The following ZNF35 variants were observed in gnomAD, a reference collection of about 807,000 sequenced individuals.
ZNF35 encodes the protein zinc finger protein 35 (clone HF.10).
In ZNF35, 31 loss-of-function variants were observed where a neutral mutation model predicts 45.9. The ratio of observed to expected loss-of-function variants is 0.68; its 90% CI spans 0.51 to 0.91. ZNF35 has a LOEUF of 0.91. ZNF35 is among the 40% of genes least tolerant of loss of function. ZNF35 has a pLI of 0.00. For missense variants in ZNF35, 515 were observed against 625.4 expected (o/e 0.82, Z 1.88); for synonymous variants, 205 against 220.2 (o/e 0.93, Z 0.61).
intron 3 of ZNF35, among the ~76,000 whole-genome samples, chr3:44,655,879 A>G (rs1424275529): frequency 6.6e-6 from 1 of 152,232 alleles, no homozygotes; most frequent in Non-Finnish European, 1.5e-5. Flanking sequence ...TTCATGCCCA[A>G]CATTCTAAAT....
chr3:44,646,720 A>G (rs77534433), upstream of ZNF35: 231 of 527,302 alleles, frequency 4.4e-4, no homozygotes, highest in African/African-American at 4.3e-3. Context: ...TGAAAGGTAT[A>G]AAACATGGAT....
chr3:44,658,044 T>C (rs1420404465), intron 3 of ZNF35, among the ~76,000 whole-genome samples: 2 of 152,180 alleles, frequency 1.3e-5, no homozygotes, highest in African/African-American at 4.8e-5. Flanking sequence ...AGCTAGTTAG[T>C]GTCAGAGCAG....
In ZNF35 at chr3:44,660,598, G is replaced by A. The variant is rs1354637414; in HGVS notation, c.*651G>A. The stretch of plus-strand genomic sequence containing the variant: ...CTGGGTCTGTTCTGACCATTCCCTA[G>A]TCTCCATGGCCAAGCACTCAAGGAT... On this transcript the variant is annotated 3_prime_UTR_variant, in exon 4 of 4. Transcript: ENST00000396056. The A allele has an allele frequency of 1.3e-5, 2 of 152,206 alleles. No homozygotes were observed. The highest frequency in any genetic ancestry group is 4.8e-5 in the African/African-American group (2 of 41,424). The allele number at this position is 152,206 out of a possible 1,614,324, so 9.4% of individuals were successfully genotyped here.
In ZNF35 at chr3:44,658,769, CTCA is replaced by C. The variant is rs765212781; in HGVS notation, c.411_413del (p.Ile138del). On this transcript the variant is annotated inframe_deletion, in exon 4 of 4. Coordinates refer to ENST00000396056, the MANE Select transcript of ZNF35 (RefSeq NM_003420.4). The stretch of plus-strand genomic sequence containing the variant: ...GATATGTGAGGAAGCTGAAAAACCC[CTCA>C]TCATATCAGAAAGAATCCAGAAAGC... 3.2e-5 allele frequency: 52 copies of C among 1,602,038 alleles called. No homozygotes were observed. The highest frequency in any genetic ancestry group is 7.1e-5 in the Admixed American group (4 of 56,446).
intron 3 of ZNF35, among the ~76,000 whole-genome samples, chr3:44,658,221 CAG>C (rs1703343227): frequency 6.6e-6 from 1 of 152,216 alleles, no homozygotes; most frequent in Non-Finnish European, 1.5e-5. Flanking sequence ...TCCTCAGACA[CAG>C]AAACCTCAGT....
Position 44,659,417 on chromosome 3 carries a change from C to A in ZNF35, c.1054C>A (p.His352Asn). The change falls in exon 4 of 4, where the codon CAC becomes AAC. Residue 352 changes from histidine (H) to asparagine (N), a missense_variant. By Grantham distance (68) the His-to-Asn change is moderately conservative (BLOSUM62 1). Around this residue, in one of 3 missense-constraint regions of ZNF35, gnomAD observed 232 missense variants for 304.6 expected, o/e 0.76. Transcript: ENST00000396056. This position sits in a 1 kb window ranked among gnomAD's most constrained non-coding sequence, Gnocchi z 4.3. ...TFTRSSNLIV[H>N]QRIHTGEKPF... The stretch of plus-strand genomic sequence containing the variant: ...TACTAGGAGCTCAAACCTCATTGTC[C>A]ACCAGAGGATCCACACTGGGGAGAA... The A allele has an allele frequency of 6.2e-7, 1 of 1,612,176 alleles. No individual in the cohort carries two copies. The highest frequency in any genetic ancestry group is 8.5e-7 in the Non-Finnish European group (1 of 1,179,008).
chr3:44,650,722 C>T (rs1464595301), intron 1 of ZNF35, among the ~76,000 whole-genome samples: 2 of 152,118 alleles, frequency 1.3e-5, no homozygotes, highest in Non-Finnish European at 2.9e-5. Flanking sequence ...AATCAATAAA[C>T]ATTATATAAA....
chr3:44,649,269 C>T (rs1359574945), intron 1 of ZNF35, among the ~76,000 whole-genome samples: 1 of 152,180 alleles, frequency 6.6e-6, no homozygotes, highest in Non-Finnish European at 1.5e-5. Context: ...TCTTAAGGAC[C>T]TTCATACCAG....
chr3:44,654,089 T>C (rs1703252835), intron 3 of ZNF35, among the ~76,000 whole-genome samples: 1 of 152,224 alleles, frequency 6.6e-6, no homozygotes, highest in South Asian at 2.1e-4. Context: ...TTCGCGTGCA[T>C]GTCACTTATT....
In ZNF35 at chr3:44,658,711, C is replaced by A; in HGVS notation, c.348C>A (p.Thr116=). Reference sequence around the variant, plus strand: ...TGTTTCTTGGTTCAGGTGCTGAAACCAAGAACCTACAGTTACTGGTTCCAA... The same window carrying A: ...TGTTTCTTGGTTCAGGTGCTGAAACAAAGAACCTACAGTTACTGGTTCCAA... ...HGTMNFLGAE[T]KNLQLLVPKT... is the part of the protein sequence containing the mutation. The change falls in exon 4 of 4, where the codon ACC becomes ACA. Residue 116 remains threonine (T), a synonymous_variant. Coordinates refer to ENST00000396056, the MANE Select transcript of ZNF35 (RefSeq NM_003420.4). The A allele has an allele frequency of 6.4e-7, 1 of 1,562,282 alleles. No individual in the cohort carries two copies. The highest frequency in any genetic ancestry group is 1.2e-5 in the South Asian group (1 of 81,280).
Position 44,660,001 on chromosome 3 carries a change from A to G in ZNF35, c.*54A>G, listed in dbSNP as rs1399224414. ...TTGGTCATAACCTTCTGCCTCCCTA[A>G]TGAGACACCTCTTTGCTGTTTTCTT... is the stretch of plus-strand genomic sequence containing the variant. On this transcript the variant is annotated 3_prime_UTR_variant, in exon 4 of 4. Transcript: ENST00000396056. 21 of 1,481,814 alleles carry G rather than the reference A, an allele frequency of 1.4e-5. No homozygotes were observed. The highest frequency in any genetic ancestry group is 1.6e-5 in the Non-Finnish European group (18 of 1,110,486). 91.8% of individuals were successfully genotyped at this position (1,481,814 alleles called of 1,614,324 possible). A position where few individuals can be genotyped will look rare whatever the true frequency, so the allele number is the denominator to read the frequency against.
intron 3 of ZNF35, 45 bp downstream of exon 3, chr3:44,652,746 T>A: frequency 6.7e-7 from 1 of 1,483,084 alleles, no homozygotes; most frequent in Non-Finnish European, 9.0e-7. Flanking sequence ...TTGGGGTTTC[T>A]CAAAATCTTT....
At chr3:44,658,623 C>T (rs1389457795) in intron 3 of ZNF35, 78 bp from the exon 4 acceptor site, 54 of 1,459,458 alleles carry the variant, frequency 3.7e-5, no homozygotes, top group African/African-American at 8.5e-5. Flanking sequence ...TCACATACTT[C>T]GTTTTATGAC....
rs1248760731 is a variant in ZNF35 at position 44,652,633 on chromosome 3, G to C, written c.269G>C (p.Ser90Thr). ...GCACCTGCTGCTTCAACCCTTGGCAGCTACTCATTACCAGGGACTCTGGCC... is the reference window on the plus strand; with the variant it reads ...GCACCTGCTGCTTCAACCCTTGGCACCTACTCATTACCAGGGACTCTGGCC... ...QEAPAASTLG[S>T]YSLPGTLAKS... is the part of the protein sequence containing the mutation. The change falls in exon 3 of 4, where the codon AGC (serine) becomes ACC (threonine). Residue 90 changes from serine (S) to threonine (T), a missense_variant. Physicochemically the swap from Ser to Thr is moderately conservative, Grantham distance 58. Transcript: ENST00000396056. 6.2e-7 allele frequency: 1 copy of C among 1,610,836 alleles called. No individual in the cohort carries two copies. Among genetic ancestry groups the C allele is most frequent in the South Asian group, 1.1e-5 (1 of 90,062 alleles).
intron 2 of ZNF35, among the ~76,000 whole-genome samples, chr3:44,651,954 A>C (rs1350622205): frequency 6.6e-6 from 1 of 152,084 alleles, no homozygotes; most frequent in Non-Finnish European, 1.5e-5. Flanking sequence ...TTTAATGTGC[A>C]TAGGAATCAC....
Position 44,659,419 on chromosome 3 carries a change from C to T in ZNF35, c.1056C>T (p.His352=). 6.2e-7 allele frequency: 1 copy of T among 1,613,090 alleles called. No homozygotes were observed. Among genetic ancestry groups the T allele is most frequent in the Non-Finnish European group, 8.5e-7 (1 of 1,179,530 alleles). ...CTAGGAGCTCAAACCTCATTGTCCA[C>T]CAGAGGATCCACACTGGGGAGAAGC... ...TFTRSSNLIV[H]QRIHTGEKPF... is the part of the protein sequence containing the mutation. The change falls in exon 4 of 4, where the codon CAC becomes CAT. Residue 352 remains histidine (H), a synonymous_variant. Transcript: ENST00000396056. This position sits in a 1 kb window ranked among gnomAD's most constrained non-coding sequence, Gnocchi z 4.3.
At chr3:44,654,913 C>A (rs1015328707) in intron 3 of ZNF35, among the ~76,000 whole-genome samples, 1 of 152,124 alleles carries the variant, frequency 6.6e-6, no homozygotes, top group Non-Finnish European at 1.5e-5. Context: ...GCGGGTGAAT[C>A]ACCTGATATC....
rs1703358294 is a variant in ZNF35 at position 44,659,092 on chromosome 3, C to G, written c.729C>G (p.Ile243Met). The change falls in exon 4 of 4, where the codon ATC becomes ATG. Residue 243 changes from isoleucine to methionine, a missense_variant. Physicochemically the swap from Ile to Met is conservative, Grantham distance 10. Transcript: ENST00000396056. The surrounding 1 kb of genome is among the most constrained non-coding windows in gnomAD (Gnocchi z 4.3). ...CAAACCTCGTTGTGCATCAGCGAAT[C>G]CACACTGGAGAGAAACCCTTTGAAT... ...QSANLVVHQR[I>M]HTGEKPFECH... 1.2e-6 allele frequency: 2 copies of G among 1,614,164 alleles called. No individual in the cohort carries two copies. The highest frequency in any genetic ancestry group is 1.7e-6 in the Non-Finnish European group (2 of 1,180,026).
chr3:44,650,809 A>G (rs1431517393), intron 1 of ZNF35, 132 bp from the exon 2 acceptor site: 1 of 381,660 alleles, frequency 2.6e-6, no homozygotes, highest in Admixed American at 4.1e-5. Context: ...AGGGAGGAAT[A>G]GAGGATTCCA....
Sources: gnomAD v4.1 joint callset for allele counts (sites outside exome capture counted in the v4.1 genomes callset) on GRCh38, gnomAD v4.1.1 for gene constraint, gnomAD v4.1.1 regional missense constraint, Gnocchi (gnomAD v3.1) non-coding constraint, MANE v1.5 for transcripts, NCBI Gene and HGNC (gene_info 2026-07-23, HGNC 2026-07-21) for gene names.